CRYL1: variants seen among roughly 807,000 people sequenced by gnomAD.
CRYL1 encodes crystallin lambda 1, also known as lambda-crystallin homolog.
CRYL1 carries 29 observed loss-of-function variants against 36.6 expected under a neutral mutation model. That is an observed-to-expected ratio of 0.79 (90% CI 0.59 to 1.08). The LOEUF is 1.08. Among genes scored for constraint, CRYL1 ranks in the 50% least tolerant of loss-of-function variants. The pLI, the probability that CRYL1 is intolerant of heterozygous loss-of-function variation, is 0.00. For synonymous variants in CRYL1, 152 were observed against 151.5 expected (o/e 1.00, Z -0.02); for missense variants, 411 against 407.9 (o/e 1.01, Z -0.06).
chr13:20,503,594 C>T (rs953085858), intron 2 of CRYL1, among the ~76,000 whole-genome samples: 2 of 152,156 alleles, frequency 1.3e-5, no homozygotes, highest in African/African-American at 4.8e-5. Context: ...TGCTAATAAC[C>T]GACTGGCCGA....
rs2032313785 is a variant in CRYL1 at position 20,439,709 on chromosome 13, G to A, written c.322C>T (p.Gln108Ter). 1 of 1,613,958 alleles carries A rather than the reference G, an allele frequency of 6.2e-7. No individual in the cohort carries two copies. Among genetic ancestry groups the A allele is most frequent in the Non-Finnish European group, 8.5e-7 (1 of 1,179,954 alleles). Reference sequence around the variant, plus strand: ...CGATCATCAATGATGGAATCTAACTGAGCAAAAATCTTCTTCTTCAGTTCT... The same window carrying A: ...CGATCATCAATGATGGAATCTAACTAAGCAAAAATCTTCTTCTTCAGTTCT... ...DLELKKKIFA[Q>*]LDSIIDDRVI... is the part of the protein sequence containing the mutation. The change falls in exon 4 of 8, where the codon CAG becomes TAG. Residue 108 changes from glutamine to a stop codon, truncating the protein, a stop_gained. Transcript: ENST00000298248. LOFTEE classifies it high-confidence loss of function.
chr13:20,430,584 C>A (rs906910952), intron 5 of CRYL1: 1 of 985,328 alleles, frequency 1.0e-6, no homozygotes, highest in Admixed American at 6.1e-5. Context: ...CAAAAGGAAA[C>A]ACCAGAGTCC....
chr13:20,475,813 G>A (rs1434932126), intron 3 of CRYL1, among the ~76,000 whole-genome samples: 1 of 152,216 alleles, frequency 6.6e-6, no homozygotes, highest in African/African-American at 2.4e-5. Context: ...AGGATGGCAA[G>A]ATAGCAAGTG....
At position 20,441,679 on chromosome 13, in the gene CRYL1, A is replaced by G. The variant is rs17051837; in HGVS notation, c.277-1925T>C. ...AAGTACTGCTAGAAATTATATCAGA[A>G]CCACCCTTCAAAAATAAATGTTTTC... On this transcript the variant is annotated intron_variant, in intron 3 of 7. Coordinates refer to ENST00000298248, the MANE Select transcript of CRYL1 (RefSeq NM_015974.3). Among the ~76,000 whole-genome samples, 105 of 152,236 alleles carry G rather than the reference A, an allele frequency of 6.9e-4. 1 individual carries two copies. The highest frequency in any genetic ancestry group is 2.4e-3 in the African/African-American group (101 of 41,496).
At chr13:20,513,685 A>G (rs1437011221) in intron 1 of CRYL1, 1 of 152,198 alleles carries the variant, frequency 6.6e-6, no homozygotes, top group East Asian at 1.9e-4. Context: ...AGACTTCCTG[A>G]AAAGTGAAAA....
rs1258051671 is a variant in CRYL1, at chr13:20,525,529, C to T, written c.41+225G>A. ...TCCTGCAACGCTGGCTCCCGGGAAG[C>T]AGACCCAACTCCGCGGGGCGCCTCC... On this transcript the variant is annotated intron_variant, in intron 1 of 7. Transcript: ENST00000298248. This position sits in a 1 kb window ranked among gnomAD's most constrained non-coding sequence, Gnocchi z 4.3. Among the ~76,000 whole-genome samples, 1 of 152,162 alleles carries T rather than the reference C, an allele frequency of 6.6e-6. No individual in the cohort carries two copies. The highest frequency in any genetic ancestry group is 2.4e-5 in the African/African-American group (1 of 41,456).
intron 2 of CRYL1, among the ~76,000 whole-genome samples, chr13:20,495,727 G>T (rs181235111): frequency 1.3e-5 from 2 of 152,330 alleles, no homozygotes; most frequent in Admixed American, 1.3e-4. Context: ...GAAGAAGCAA[G>T]CAATCCAAAA....
In CRYL1 at chr13:20,425,549, TG is replaced by T. The variant is rs553153254; in HGVS notation, c.633+6552del. On this transcript the variant is annotated intron_variant, in intron 5 of 7. Transcript: ENST00000298248. The surrounding 1 kb of genome is among the most constrained non-coding windows in gnomAD (Gnocchi z 4.4). ...TGAAATATGTGAGATGGCACCTTCC[TG>T]GGTATTCATGCAGAGGTGGAGAACT... 9.8e-5 allele frequency among the ~76,000 whole-genome samples: 15 copies of T among 152,288 alleles called. No homozygotes were observed. The South Asian group carries it at 3.1e-3, about 32-fold the overall frequency.
intron 2 of CRYL1, among the ~76,000 whole-genome samples, chr13:20,496,506 A>T (rs2033607075): frequency 6.6e-6 from 1 of 152,206 alleles, no homozygotes; most frequent in South Asian, 2.1e-4. Context: ...TCATGCAATA[A>T]TCTAGGTCCT....
chr13:20,408,173 G>A (rs543424405), intron 6 of CRYL1, among the ~76,000 whole-genome samples: 1 of 152,264 alleles, frequency 6.6e-6, no homozygotes, highest in South Asian at 2.1e-4. Flanking sequence ...CCTGAGTGAG[G>A]ACTTGCCCAG....
At chr13:20,500,040 G>T (rs2033676586) in intron 2 of CRYL1, among the ~76,000 whole-genome samples, 2 of 152,190 alleles carry the variant, frequency 1.3e-5, no homozygotes, top group African/African-American at 4.8e-5. Flanking sequence ...TGTGCCATTG[G>T]ATGTGAGAGA....
intron 3 of CRYL1, among the ~76,000 whole-genome samples, chr13:20,461,790 T>C (rs1322067594): frequency 6.6e-6 from 1 of 151,810 alleles, no homozygotes; most frequent in Non-Finnish European, 1.5e-5. Context: ...ACTGGGTGTC[T>C]AAGGTGAACA....
At chr13:20,482,696 C>G (rs1449293404) in intron 3 of CRYL1, among the ~76,000 whole-genome samples, 1 of 152,028 alleles carries the variant, frequency 6.6e-6, no homozygotes, top group Non-Finnish European at 1.5e-5. Flanking sequence ...TGGGCAGATC[C>G]GACAGTGGGA....
chr13:20,498,376 A>T (rs1461477889), intron 2 of CRYL1, among the ~76,000 whole-genome samples: 4 of 107,574 alleles, frequency 3.7e-5, no homozygotes, highest in African/African-American at 1.0e-4. Flanking sequence ...TACACACACT[A>T]CGCACACCAC....
chr13:20,413,484 A>G (rs1409030349), intron 5 of CRYL1, 97 bp from the exon 6 acceptor site: 1 of 721,356 alleles, frequency 1.4e-6, no homozygotes, highest in Admixed American at 2.4e-5. Context: ...GGATCCCAAA[A>G]TCTTCTCCAA....
chr13:20,430,839 G>A, intron 5 of CRYL1: 1 of 985,182 alleles, frequency 1.0e-6, no homozygotes, highest in African/African-American at 1.7e-5. Flanking sequence ...CTAGACAAAT[G>A]GAAATATTTT....
At chr13:20,410,664 TGAAA>T (rs901280032) in intron 6 of CRYL1, among the ~76,000 whole-genome samples, 1 of 152,078 alleles carries the variant, frequency 6.6e-6, no homozygotes, top group African/African-American at 2.4e-5. Context: ...AAGTAGTACG[TGAAA>T]GAAACAAGAC....
chr13:20,473,026 T>C (rs2033093769), intron 3 of CRYL1: 1 of 152,248 alleles, frequency 6.6e-6, no homozygotes, highest in African/African-American at 2.4e-5. Flanking sequence ...CCAGTCTCTT[T>C]GGTGGAACGG....
At chr13:20,462,846 A>C (rs2032858725) in intron 3 of CRYL1, among the ~76,000 whole-genome samples, 1 of 152,088 alleles carries the variant, frequency 6.6e-6, no homozygotes, top group Admixed American at 6.5e-5. Context: ...AATGTGAAAA[A>C]GCACAGGCAA....
Sources: allele counts gnomAD v4.1 joint callset (sites outside exome capture counted in the v4.1 genomes callset), GRCh38; gene constraint gnomAD v4.1.1; non-coding constraint Gnocchi (gnomAD v3.1); transcripts MANE v1.5; gene names NCBI Gene and HGNC (gene_info 2026-07-23, HGNC 2026-07-21).